Variants in CDKL3 observed in about 807,000 individuals in gnomAD.
CDKL3 encodes the protein cyclin dependent kinase like 3, also known as cyclin-dependent kinase-like 3.
Under a neutral mutation model 69.3 loss-of-function variants are expected in CDKL3, and 65 were observed. The observed-to-expected ratio is 0.94, with a 90% confidence interval of 0.77 to 1.15. The LOEUF is 1.15. CDKL3 is among the 50% of genes most tolerant of loss of function. The pLI is 0.00. For missense variants in CDKL3, 652 were observed against 689.2 expected, an observed-to-expected ratio of 0.95 and a Z score of 0.61; for synonymous variants, 202 against 221.6, an observed-to-expected ratio of 0.91 and a Z score of 0.79.
chr5:134,361,278 A>C (rs1755951810), intron 2 of CDKL3, among the ~76,000 whole-genome samples: 1 of 151,880 alleles, frequency 6.6e-6, no homozygotes, highest in Non-Finnish European at 1.5e-5. Flanking sequence ...TAAGAGAACA[A>C]GTCTTGCTAT....
At chr5:134,362,699 T>C (rs759965727) in intron 2 of CDKL3, among the ~76,000 whole-genome samples, 5 of 151,982 alleles carry the variant, frequency 3.3e-5, no homozygotes, top group Non-Finnish European at 5.9e-5. Context: ...GAGGCTGAGG[T>C]GGGCAGATCA....
At chr5:134,311,462 T>A (rs750679256) in intron 7 of CDKL3, among the ~76,000 whole-genome samples, 1 of 151,748 alleles carries the variant, frequency 6.6e-6, no homozygotes, top group African/African-American at 2.4e-5. Context: ...GCCGAGATTG[T>A]GCCACTGCAT....
chr5:134,357,549 T>C (rs1280628453), intron 3 of CDKL3, among the ~76,000 whole-genome samples: 2 of 152,100 alleles, frequency 1.3e-5, no homozygotes, highest in Non-Finnish European at 2.9e-5. Context: ...GAAGAATCGC[T>C]TGAACCCAGA....
At chr5:134,336,964 G>A (rs67544897) in intron 4 of CDKL3, among the ~76,000 whole-genome samples, 4,355 of 152,308 alleles carry the variant, frequency 0.029, 95 homozygotes, top group Middle Eastern at 0.051. Context: ...AGTAGTCCTT[G>A]CTGAGCTGCG....
chr5:134,325,610 G>C (rs1357006469), intron 4 of CDKL3, among the ~76,000 whole-genome samples: 2 of 151,822 alleles, frequency 1.3e-5, no homozygotes, highest in Non-Finnish European at 2.9e-5. Context: ...ACTTACACTG[G>C]TATTTACTGT....
chr5:134,362,753 AC>A (rs1361276580), intron 2 of CDKL3, among the ~76,000 whole-genome samples: 3 of 151,938 alleles, frequency 2.0e-5, no homozygotes, highest in African/African-American at 7.2e-5. Flanking sequence ...ACATGGTGAA[AC>A]CCCGTCTCTA....
At position 134,327,995 on chromosome 5, in the gene CDKL3, G is replaced by A. The variant is rs553257362; in HGVS notation, c.540-6092C>T. On this transcript the variant is annotated intron_variant, in intron 4 of 12. Transcript: ENST00000265334. ...CTCCATGAAAATAATTTAGCCAGTC[G>A]CCATGATACAAACAAGCAAATAACA... Among the ~76,000 whole-genome samples, 13 of 152,224 alleles carry A rather than the reference G, an allele frequency of 8.5e-5. No homozygotes were observed. In the South Asian group the frequency reaches 2.3e-3, roughly 27 times the overall value.
intron 12 of CDKL3, 100 bp downstream of exon 12, chr5:134,302,490 A>T: frequency 1.5e-6 from 1 of 661,002 alleles, no homozygotes; most frequent in Non-Finnish European, 2.6e-6. Flanking sequence ...AAAATTTTGA[A>T]TTTTTATATA....
downstream of CDKL3, among the ~76,000 whole-genome samples, chr5:134,285,201 G>A (rs1416003740): frequency 1.3e-5 from 2 of 152,148 alleles, no homozygotes; most frequent in Admixed American, 6.6e-5. Context: ...TCCACTAGGT[G>A]GTGCCCCAGT....
Position 134,304,757 on chromosome 5 carries a change from A to T in CDKL3, c.1459-190T>A, listed in dbSNP as rs185582233. 7.6e-4 allele frequency among the ~76,000 whole-genome samples: 115 copies of T among 151,558 alleles called. 4 individuals are homozygous for T. The East Asian group carries it at 0.014, about 19-fold the overall frequency. ...ACTCCAATAAAAGTTTCATAAAGCAAACATTTCTAGCATATTTAATATTCT... is the reference window on the plus strand; with the variant it reads ...ACTCCAATAAAAGTTTCATAAAGCATACATTTCTAGCATATTTAATATTCT... On this transcript the variant is annotated intron_variant, in intron 10 of 12. Coordinates refer to ENST00000265334, the MANE Select transcript of CDKL3 (RefSeq NM_001113575.2).
chr5:134,366,452 C>T lies in CDKL3; in HGVS notation c.72G>A (p.Lys24=). The T allele has an allele frequency of 6.2e-7, 1 of 1,608,460 alleles. No homozygotes were observed. Among genetic ancestry groups the T allele is most frequent in the Non-Finnish European group, 8.5e-7 (1 of 1,177,104 alleles). Residue 24 remains lysine, a synonymous_variant, in exon 2 of 13, where the codon AAG becomes AAA. Coordinates refer to ENST00000265334, the MANE Select transcript of CDKL3 (RefSeq NM_001113575.2). Reference sequence around the variant, plus strand: ...TAATGGCCACTATCTGCCCAGTATTCTTATGTTTACATTTCATGACTGTTC... The same window carrying T: ...TAATGGCCACTATCTGCCCAGTATTTTTATGTTTACATTTCATGACTGTTC... ...SYGTVMKCKH[K]NTGQIVAIKI... is the part of the protein sequence containing the mutation.
intron 2 of CDKL3, among the ~76,000 whole-genome samples, chr5:134,361,646 A>G (rs934907874): frequency 1.3e-5 from 2 of 152,172 alleles, no homozygotes; most frequent in Admixed American, 1.3e-4. Context: ...GTGCACACCT[A>G]TAATCCCAGC....
At chr5:134,308,016 C>A in intron 9 of CDKL3, 122 bp downstream of exon 9, 1 of 1,421,590 alleles carries the variant, frequency 7.0e-7, no homozygotes, top group Non-Finnish European at 9.2e-7. Context: ...CATTATACAG[C>A]TTTAATTTCA....
rs1323895414 is a variant in CDKL3, at chr5:134,361,867, G to A, written c.166-1776C>T. On this transcript the variant is annotated intron_variant, in intron 2 of 12. Coordinates refer to ENST00000265334, the MANE Select transcript of CDKL3 (RefSeq NM_001113575.2). ...TGCAGTGAGCCGAGATTGTGCCATC[G>A]CACTCCAGCCGGGGTGACAAGAGTG... 2.6e-5 allele frequency among the ~76,000 whole-genome samples: 4 copies of A among 152,106 alleles called. No individual in the cohort carries two copies. The East Asian group carries it at 5.8e-4, about 22-fold the overall frequency.
chr5:134,316,905 T>C (rs141274953), intron 6 of CDKL3, among the ~76,000 whole-genome samples: 89 of 152,226 alleles, frequency 5.8e-4, no homozygotes, highest in African/African-American at 2.0e-3. Flanking sequence ...GTAAACCAAA[T>C]TGATAATAGT....
intron 4 of CDKL3, 93 bp from the exon 5 acceptor site, chr5:134,321,996 G>C (rs1772921056): frequency 1.4e-6 from 1 of 701,620 alleles, no homozygotes; most frequent in African/African-American, 1.9e-5. Context: ...CAAGGCTAAA[G>C]AAACAAGTAG....
chr5:134,329,918 G>C (rs2149517611), intron 4 of CDKL3, among the ~76,000 whole-genome samples: 1 of 151,832 alleles, frequency 6.6e-6, no homozygotes, highest in African/African-American at 2.4e-5. Flanking sequence ...GCTGAGGCAG[G>C]AGAATTGCTT....
chr5:134,363,457 C>CTTTTT (rs869177235), intron 2 of CDKL3, among the ~76,000 whole-genome samples: 7 of 105,472 alleles, frequency 6.6e-5, no homozygotes, highest in East Asian at 2.6e-4. Context: ...CCATGGCCGG[C>CTTTTT]TTTTTTTTTT....
chr5:134,363,000 C>T (rs930108690), intron 2 of CDKL3, among the ~76,000 whole-genome samples: 1 of 152,126 alleles, frequency 6.6e-6, no homozygotes, highest in South Asian at 2.1e-4. Context: ...ATCTGCATAA[C>T]AGTTGTTACA....
Sources: allele counts gnomAD v4.1 joint callset (sites outside exome capture counted in the v4.1 genomes callset), GRCh38; gene constraint gnomAD v4.1.1; transcripts MANE v1.5; gene names NCBI Gene and HGNC (gene_info 2026-07-23, HGNC 2026-07-21).